Variants in CCDC7 observed in about 807,000 individuals in gnomAD.
CCDC7 encodes coiled-coil domain containing 7, also known as coiled-coil domain-containing protein 7.
A neutral mutation model predicts 196.9 loss-of-function variants in CCDC7; 183 were observed. The ratio of observed to expected loss-of-function variants is 0.93; its 90% CI spans 0.82 to 1.05. The LOEUF (loss-of-function observed/expected upper bound fraction) is 1.05. Ranked by LOEUF, CCDC7 falls within the 50% of genes least tolerant of loss-of-function variation. The probability of loss-of-function intolerance (pLI) is 0.00; values close to 1 mark genes in which losing one functional copy is unlikely to be tolerated. For missense variants in CCDC7, 1,540 were observed against 1,482.2 expected (o/e 1.04, Z -0.64); for synonymous variants, 525 against 484.6 (o/e 1.08, Z -1.10).
intron 18 of CCDC7, among the ~76,000 whole-genome samples, chr10:32,624,639 CCTT>C (rs943423670): frequency 1.3e-5 from 2 of 152,076 alleles, no homozygotes; most frequent in African/African-American, 4.8e-5. Flanking sequence ...TACCTAGACT[CCTT>C]CTATCTAGTG....
chr10:32,594,276 G>A (rs1418920267), intron 18 of CCDC7, among the ~76,000 whole-genome samples: 1 of 152,194 alleles, frequency 6.6e-6, no homozygotes, highest in Non-Finnish European at 1.5e-5. Flanking sequence ...GGCCCTGTAA[G>A]TTGTATTCCT....
At chr10:32,454,524 G>A (rs979127489) in intron 2 of CCDC7, among the ~76,000 whole-genome samples, 5 of 151,668 alleles carry the variant, frequency 3.3e-5, no homozygotes, top group Non-Finnish European at 7.4e-5. Flanking sequence ...GCATCACGCA[G>A]TATATCCAGG....
intron 14 of CCDC7, among the ~76,000 whole-genome samples, 165 bp from the exon 16 acceptor site, chr10:32,567,505 G>T (rs554634338): frequency 1.1e-3 from 166 of 152,268 alleles, no homozygotes; most frequent in African/African-American, 3.9e-3. Flanking sequence ...CTGTGGAATT[G>T]TTAAAGTATC....
chr10:32,540,426 G>A (rs1169363451), intron 11 of CCDC7, among the ~76,000 whole-genome samples: 2 of 152,140 alleles, frequency 1.3e-5, no homozygotes, highest in African/African-American at 4.8e-5. Flanking sequence ...TTGCCTGTGA[G>A]ATGGATCTCT....
intron 25 of CCDC7, chr10:32,725,454 G>A (rs563548682): frequency 3.1e-4 from 145 of 463,686 alleles, no homozygotes; most frequent in Non-Finnish European, 6.1e-4. Flanking sequence ...TATTAGGTTA[G>A]TTTCCTTTCA....
At chr10:32,603,134 T>C (rs918360399) in intron 18 of CCDC7, among the ~76,000 whole-genome samples, 7 of 151,822 alleles carry the variant, frequency 4.6e-5, no homozygotes, top group Admixed American at 1.3e-4. Context: ...GTAGCTATCA[T>C]TGTACTCTAT....
intron 29 of CCDC7, among the ~76,000 whole-genome samples, chr10:32,797,506 C>G (rs1490535583): frequency 6.6e-5 from 10 of 151,758 alleles, no homozygotes; most frequent in Admixed American, 6.6e-4. Context: ...ACTTTGGGGA[C>G]TCAAAAGCAA....
intron 28 of CCDC7, among the ~76,000 whole-genome samples, chr10:32,730,470 A>G (rs1486471871): frequency 1.3e-5 from 2 of 151,978 alleles, no homozygotes; most frequent in African/African-American, 2.4e-5. Context: ...AGCTTTACCT[A>G]AAGTGTGAAT....
intron 28 of CCDC7, among the ~76,000 whole-genome samples, chr10:32,737,220 G>A (rs577185325): frequency 6.6e-6 from 1 of 152,194 alleles, no homozygotes; most frequent in Non-Finnish European, 1.5e-5. Context: ...TTTGGTTGTG[G>A]CATATAATTC....
intron 32 of CCDC7, among the ~76,000 whole-genome samples, chr10:32,828,537 G>GAAGAAGAAGAAGAAGAAGAAGA (rs1308089826): frequency 6.7e-6 from 1 of 150,258 alleles, no homozygotes; most frequent in Admixed American, 6.7e-5. Context: ...AGAAGAAGAA[G>GAAGAAGAAGAAGAAGAAGAAGA]AAGAAGAAGA....
chr10:32,498,962 A>G (rs1410452925), intron 9 of CCDC7: 1 of 151,882 alleles, frequency 6.6e-6, no homozygotes, highest in Non-Finnish European at 1.5e-5. Context: ...GTTCTCCTGT[A>G]TAATATCCTG....
At chr10:32,662,964 T>C (rs2071820803) in intron 20 of CCDC7, among the ~76,000 whole-genome samples, 1 of 152,088 alleles carries the variant, frequency 6.6e-6, no homozygotes, top group South Asian at 2.1e-4. Flanking sequence ...GGTTTTTCAG[T>C]GGCAGGGAAC....
intron 9 of CCDC7, among the ~76,000 whole-genome samples, chr10:32,510,200 T>G (rs1377600660): frequency 6.6e-6 from 1 of 152,134 alleles, no homozygotes; most frequent in African/African-American, 2.4e-5. Flanking sequence ...AATTAGAAAA[T>G]CCTTCCATTT....
intron 28 of CCDC7, among the ~76,000 whole-genome samples, chr10:32,739,255 T>G (rs1272595819): frequency 6.6e-6 from 1 of 152,062 alleles, no homozygotes; most frequent in African/African-American, 2.4e-5. Context: ...TCTCCTTCTG[T>G]TACTCTCATT....
At chr10:32,473,825 C>G in intron 7 of CCDC7, 142 bp from the exon 9 acceptor site, 1 of 662,022 alleles carries the variant, frequency 1.5e-6, no homozygotes, top group Non-Finnish European at 2.4e-6. Flanking sequence ...TTAGGAAGAT[C>G]TGCAGTGTTG....
At chr10:32,647,207 TA>T (rs986216765) in intron 20 of CCDC7, among the ~76,000 whole-genome samples, 10 of 152,228 alleles carry the variant, frequency 6.6e-5, no homozygotes, top group African/African-American at 2.4e-4. Flanking sequence ...CAACAGTGTT[TA>T]AATGTTCCCT....
At chr10:32,818,222 A>T (rs1277395005) in intron 31 of CCDC7, among the ~76,000 whole-genome samples, 1 of 152,242 alleles carries the variant, frequency 6.6e-6, no homozygotes, top group Non-Finnish European at 1.5e-5. Flanking sequence ...AAACCAATGA[A>T]GATCAAAAGA....
At chr10:32,771,324 AACTTAGTTTTGCAGGAT>A (rs1196994701) in intron 28 of CCDC7, among the ~76,000 whole-genome samples, 6 of 152,178 alleles carry the variant, frequency 3.9e-5, no homozygotes, top group African/African-American at 1.4e-4. Context: ...TCATTTATAA[AACTTAGTTTTGCAGGAT>A]ACAAAACTCT....
At chr10:32,569,602 A>T (rs1210472498) in intron 15 of CCDC7, among the ~76,000 whole-genome samples, 1 of 151,784 alleles carries the variant, frequency 6.6e-6, no homozygotes, top group Admixed American at 6.6e-5. Flanking sequence ...AATTTTTTAT[A>T]TTTTTAGTAG....
Sources: gnomAD v4.1 joint callset for allele counts (sites outside exome capture counted in the v4.1 genomes callset) on GRCh38, gnomAD v4.1.1 for gene constraint, MANE v1.5 for transcripts, NCBI Gene and HGNC (gene_info 2026-07-23, HGNC 2026-07-21) for gene names.